The following LDLRAD3 variants were observed in gnomAD, a reference collection of about 807,000 sequenced individuals.
LDLRAD3 encodes low-density lipoprotein receptor class A domain-containing protein 3.
In LDLRAD3, 20 loss-of-function variants were observed where a neutral mutation model predicts 29.4. That is an observed-to-expected ratio of 0.68 (90% CI 0.48 to 0.99). The LOEUF is 0.99. Ranked by LOEUF, LDLRAD3 falls within the 50% of genes least tolerant of loss-of-function variation. The pLI is 0.00. For missense variants in LDLRAD3, 420 were observed against 454.3 expected (o/e 0.92, Z 0.69); for synonymous variants, 157 against 192.7 (o/e 0.81, Z 1.53).
chr11:35,957,760 C>A (rs958080553), intron 1 of LDLRAD3, among the ~76,000 whole-genome samples: 6 of 137,604 alleles, frequency 4.4e-5, no homozygotes, highest in Admixed American at 3.9e-4. Context: ...CGTGCCATTG[C>A]GCTCCAGCCT....
chr11:36,098,247 C>A, intron 3 of LDLRAD3, 80 bp from the exon 4 acceptor site: 1 of 1,544,984 alleles, frequency 6.5e-7, no homozygotes, highest in Non-Finnish European at 8.9e-7. Context: ...GCGGGACACA[C>A]GCCAGGCTGG....
chr11:36,145,345 C>G (rs200065128), intron 4 of LDLRAD3, among the ~76,000 whole-genome samples: 1 of 83,138 alleles, frequency 1.2e-5, no homozygotes, highest in African/African-American at 6.2e-5. Context: ...GTGAGGAGCC[C>G]CTCTGCCCGG....
At chr11:36,044,136 C>A (rs1220949426) in intron 2 of LDLRAD3, among the ~76,000 whole-genome samples, 2 of 152,112 alleles carry the variant, frequency 1.3e-5, no homozygotes, top group African/African-American at 2.4e-5. Context: ...CCCCCAGCTT[C>A]CATTTATGAC....
At chr11:36,181,144 A>G (rs73437288) in intron 4 of LDLRAD3, among the ~76,000 whole-genome samples, 2,634 of 152,072 alleles carry the variant, frequency 0.017, 73 homozygotes, top group African/African-American at 0.058. Flanking sequence ...AATAAAATGT[A>G]TTAACTGCTG....
intron 1 of LDLRAD3, among the ~76,000 whole-genome samples, chr11:36,026,056 A>G (rs940225961): frequency 2.0e-5 from 3 of 152,160 alleles, no homozygotes; most frequent in African/African-American, 4.8e-5. Context: ...CTGGGATTAC[A>G]GATGTGAGCC....
At chr11:36,003,576 A>G (rs1851850456) in intron 1 of LDLRAD3, among the ~76,000 whole-genome samples, 1 of 152,212 alleles carries the variant, frequency 6.6e-6, no homozygotes, top group African/African-American at 2.4e-5. Context: ...ACGGAGCATC[A>G]TGTTAGTTCA....
At chr11:36,040,311 T>A (rs78048526) in intron 2 of LDLRAD3, among the ~76,000 whole-genome samples, 3 of 151,752 alleles carry the variant, frequency 2.0e-5, no homozygotes, top group African/African-American at 7.3e-5. Flanking sequence ...TTTTTTTTTT[T>A]AATCGTGACG....
chr11:36,093,808 G>A (rs1853319187), intron 3 of LDLRAD3, among the ~76,000 whole-genome samples: 1 of 152,204 alleles, frequency 6.6e-6, no homozygotes, highest in Non-Finnish European at 1.5e-5. Flanking sequence ...TCAGTGGAGA[G>A]GGGATGCAGG....
At chr11:36,208,956 C>G (rs1855247128) in intron 4 of LDLRAD3, among the ~76,000 whole-genome samples, 3 of 152,188 alleles carry the variant, frequency 2.0e-5, no homozygotes, top group South Asian at 2.1e-4. Context: ...AGTGAAGAAT[C>G]CTGGCAGATA....
intron 4 of LDLRAD3, among the ~76,000 whole-genome samples, chr11:36,145,370 T>G: frequency 1.4e-5 from 1 of 71,904 alleles, no homozygotes; most frequent in African/African-American, 7.0e-5. Flanking sequence ...CCGCCCCGTC[T>G]GGGAGGGAGG....
intron 1 of LDLRAD3, chr11:35,967,801 T>C: frequency 2.2e-6 from 1 of 447,666 alleles, no homozygotes; most frequent in African/African-American, 2.0e-5. Context: ...TGTTTTCAGA[T>C]ATAGCAGCCT....
At chr11:36,128,132 A>G (rs1001478265) in intron 4 of LDLRAD3, among the ~76,000 whole-genome samples, 1 of 125,374 alleles carries the variant, frequency 8.0e-6, no homozygotes, top group South Asian at 2.6e-4. Context: ...ATATATATAT[A>G]TATGTATATG....
At chr11:36,066,258 C>CT (rs914886213) in intron 2 of LDLRAD3, among the ~76,000 whole-genome samples, 3 of 150,770 alleles carry the variant, frequency 2.0e-5, no homozygotes, top group East Asian at 2.0e-4. Context: ...CTGAAAGACT[C>CT]TTTTTTTAGG....
chr11:36,012,490 ACTC>A (rs1851968554), intron 1 of LDLRAD3, among the ~76,000 whole-genome samples: 1 of 152,096 alleles, frequency 6.6e-6, no homozygotes, highest in Non-Finnish European at 1.5e-5. Flanking sequence ...TACCAGCATC[ACTC>A]TTCTTGTGCT....
At chr11:36,155,840 G>C (rs1382603859) in intron 4 of LDLRAD3, among the ~76,000 whole-genome samples, 1 of 152,092 alleles carries the variant, frequency 6.6e-6, no homozygotes, top group Non-Finnish European at 1.5e-5. Flanking sequence ...AAAATCCTCT[G>C]TTGGAGCCTA....
At chr11:35,963,026 AAGT>A (rs1230068827) in intron 1 of LDLRAD3, among the ~76,000 whole-genome samples, 1 of 152,222 alleles carries the variant, frequency 6.6e-6, no homozygotes, top group Admixed American at 6.5e-5. Context: ...TGGGAGAACA[AAGT>A]AGAGTTATAT....
chr11:36,172,738 G>A (rs1460639608), intron 4 of LDLRAD3, among the ~76,000 whole-genome samples: 2 of 152,072 alleles, frequency 1.3e-5, no homozygotes, highest in African/African-American at 2.4e-5. Flanking sequence ...CTATCATTTT[G>A]TTGAGGATTT....
intron 1 of LDLRAD3, among the ~76,000 whole-genome samples, chr11:35,952,179 G>T (rs144012752): frequency 1.3e-3 from 197 of 152,222 alleles, no homozygotes; most frequent in African/African-American, 4.6e-3. Flanking sequence ...CTAAACCTTC[G>T]ACCAGTAAGA....
At chr11:36,138,039 C>G (rs1257208283) in intron 4 of LDLRAD3, among the ~76,000 whole-genome samples, 4 of 152,196 alleles carry the variant, frequency 2.6e-5, no homozygotes, top group Non-Finnish European at 4.4e-5. Flanking sequence ...GCCCTTTAAT[C>G]TGTTGCATTT....
Sources: allele counts gnomAD v4.1 joint callset (sites outside exome capture counted in the v4.1 genomes callset), GRCh38; gene constraint gnomAD v4.1.1; transcripts MANE v1.5; gene names NCBI Gene and HGNC (gene_info 2026-07-23, HGNC 2026-07-21).